The following PODXL variants were observed in gnomAD, a reference collection of about 807,000 sequenced individuals.
PODXL encodes podocalyxin.
In PODXL, 20 loss-of-function variants were observed where a neutral mutation model predicts 48.9. The ratio of observed to expected loss-of-function variants is 0.41; its 90% CI spans 0.29 to 0.59. The LOEUF (loss-of-function observed/expected upper bound fraction) is 0.59. Among genes scored for constraint, PODXL ranks in the 20% least tolerant of loss-of-function variants. PODXL has a pLI of 0.31. For missense variants in PODXL, 606 were observed against 675.1 expected, an observed-to-expected ratio of 0.90 and a Z score of 1.13; for synonymous variants, 295 against 287.4, an observed-to-expected ratio of 1.03 and a Z score of -0.27.
chr7:131,548,220 C>T (rs1021984989), intron 1 of PODXL, among the ~76,000 whole-genome samples: 4 of 152,334 alleles, frequency 2.6e-5, no homozygotes, highest in South Asian at 2.1e-4. Flanking sequence ...CTGATCTGAC[C>T]GGCAAGGTGA....
chr7:131,513,587 A>T (rs1407960647), intron 1 of PODXL, among the ~76,000 whole-genome samples: 1 of 152,250 alleles, frequency 6.6e-6, no homozygotes, highest in Non-Finnish European at 1.5e-5. Context: ...TGGGATGAGC[A>T]TAAGCAGGTG....
intron 1 of PODXL, among the ~76,000 whole-genome samples, chr7:131,517,481 A>G (rs73722846): frequency 0.069 from 10,556 of 152,290 alleles, 380 homozygotes; most frequent in Middle Eastern, 0.11. Flanking sequence ...TCACAGACTC[A>G]GCGTTCCTTG....
In PODXL at chr7:131,556,515, C is replaced by A; in HGVS notation, c.-156G>T. ...GGGCTCCCGAGTCGCGCTGCGGCGG[C>A]TCTTCCTCCCTGCCGCTGCAGCAGA... On this transcript the variant is annotated 5_prime_UTR_variant, in exon 1 of 9. Coordinates refer to ENST00000378555, the MANE Select transcript of PODXL (RefSeq NM_001018111.3). The A allele has an allele frequency of 1.2e-6, 1 of 859,184 alleles. No homozygotes were observed. Among genetic ancestry groups the A allele is most frequent in the Non-Finnish European group, 1.5e-6 (1 of 647,150 alleles). The allele number at this position is 859,184 out of a possible 1,614,324, so 53.2% of individuals were successfully genotyped here.
intron 1 of PODXL, among the ~76,000 whole-genome samples, chr7:131,512,422 G>C (rs1000609661): frequency 1.3e-5 from 2 of 152,126 alleles, no homozygotes; most frequent in African/African-American, 4.8e-5. Context: ...GGAAAGAAAG[G>C]CATCTCTGCG....
intron 1 of PODXL, among the ~76,000 whole-genome samples, chr7:131,526,324 A>ATTT (rs1447147266): frequency 1.1e-4 from 16 of 152,218 alleles, no homozygotes; most frequent in Non-Finnish European, 2.2e-4. Flanking sequence ...CAACAAAACA[A>ATTT]GAAATACTGG....
At chr7:131,527,314 AAAG>A (rs1798204008) in intron 1 of PODXL, among the ~76,000 whole-genome samples, 1 of 152,220 alleles carries the variant, frequency 6.6e-6, no homozygotes, top group Admixed American at 6.5e-5. Flanking sequence ...TTAGGCAATA[AAAG>A]AAGAACAAGA....
rs1320055642 is a variant in PODXL, at chr7:131,502,173, T to A, written c.*2138A>T. The A allele has an allele frequency of 1.3e-5, 2 of 152,172 alleles. No individual in the cohort carries two copies. Among genetic ancestry groups the A allele is most frequent in the East Asian group, 3.9e-4 (2 of 5,194 alleles). 9.4% of individuals were successfully genotyped at this position (152,172 alleles called of 1,614,324 possible). A position where few individuals can be genotyped will look rare whatever the true frequency, so the allele number is the denominator to read the frequency against. On this transcript the variant is annotated 3_prime_UTR_variant, in exon 9 of 9. Transcript: ENST00000378555. ...GATCAGCAAAGGAGGAATAATCCAG[T>A]CTGGCCTCTCCCACGGGACCACAAC...
chr7:131,548,156 G>GGGACC (rs1798612175), intron 1 of PODXL, among the ~76,000 whole-genome samples: 1 of 152,254 alleles, frequency 6.6e-6, no homozygotes, highest in Non-Finnish European at 1.5e-5. Flanking sequence ...AGGACTAAGT[G>GGGACC]GGACCAGGCT....
In PODXL at chr7:131,506,585, T is replaced by C. The variant is rs1208401593; in HGVS notation, c.1243A>G (p.Ile415Val). 3 of 1,613,978 alleles carry C rather than the reference T, an allele frequency of 1.9e-6. No homozygotes were observed. Among genetic ancestry groups the C allele is most frequent in the Non-Finnish European group, 2.5e-6 (3 of 1,179,936 alleles). Reference protein sequence around the residue: ...SQTVVVKEITIHTKLPAKDVY... With the variant: ...SQTVVVKEITVHTKLPAKDVY... Reference sequence around the variant, plus strand: ...CCCCTTGCCCTCCACTCACTGTGAATAGTGATTTCTTTGACGACCACGGTC... The same window carrying C: ...CCCCTTGCCCTCCACTCACTGTGAACAGTGATTTCTTTGACGACCACGGTC... Residue 415 changes from isoleucine to valine, a missense_variant, in exon 6 of 9, where the codon ATT becomes GTT. Physicochemically the swap from Ile to Val is conservative, Grantham distance 29. Transcript: ENST00000378555.
At chr7:131,529,738 G>A (rs1053779221) in intron 1 of PODXL, among the ~76,000 whole-genome samples, 3 of 152,062 alleles carry the variant, frequency 2.0e-5, no homozygotes, top group Non-Finnish European at 4.4e-5. Context: ...TCCTGCCCCC[G>A]CCTTGGACCC....
chr7:131,514,876 T>A (rs1183096314), intron 1 of PODXL, among the ~76,000 whole-genome samples: 2 of 152,078 alleles, frequency 1.3e-5, no homozygotes, highest in Admixed American at 1.3e-4. Context: ...CCCAAAGTGC[T>A]GGGATTACAG....
At chr7:131,522,867 CTT>C (rs1798112053) in intron 1 of PODXL, among the ~76,000 whole-genome samples, 1 of 152,190 alleles carries the variant, frequency 6.6e-6, no homozygotes, top group Non-Finnish European at 1.5e-5. Context: ...TTCCTTACTC[CTT>C]TGTATTGCTA....
rs1455251440 is a variant in PODXL, at chr7:131,500,286, TTTAA to T, written c.*4021_*4024del. 2.0e-5 allele frequency: 3 copies of T among 152,432 alleles called. No homozygotes were observed. The highest frequency in any genetic ancestry group is 2.9e-5 in the Non-Finnish European group (2 of 68,032). 9.4% of individuals were successfully genotyped at this position (152,432 alleles called of 1,614,324 possible). A position where few individuals can be genotyped will look rare whatever the true frequency, so the allele number is the denominator to read the frequency against. ...CTTGAACCAGTTTACACAAAAACAC[TTTAA>T]TTGACAGTATACAATTTTCCAAAAT... is the stretch of plus-strand genomic sequence containing the variant. On this transcript the variant is annotated 3_prime_UTR_variant, in exon 9 of 9. Transcript: ENST00000378555.
intron 1 of PODXL, among the ~76,000 whole-genome samples, chr7:131,524,100 A>T (rs1798135248): frequency 6.6e-6 from 1 of 152,136 alleles, no homozygotes; most frequent in Non-Finnish European, 1.5e-5. Flanking sequence ...CACCTGGCCC[A>T]TCTAACAAAA....
chr7:131,537,583 A>G, intron 1 of PODXL, among the ~76,000 whole-genome samples: 1 of 89,740 alleles, frequency 1.1e-5, no homozygotes, highest in Non-Finnish European at 2.1e-5. Flanking sequence ...TGGAAGCAAG[A>G]CTCCGCCCCA....
At chr7:131,528,822 T>G (rs747041099) in intron 1 of PODXL, among the ~76,000 whole-genome samples, 8 of 152,094 alleles carry the variant, frequency 5.3e-5, no homozygotes, top group Non-Finnish European at 1.0e-4. Context: ...ACGCAAGGAT[T>G]CTAATGGTGG....
At position 131,509,578 on chromosome 7, in the gene PODXL, C is replaced by G. The variant is rs374314052; in HGVS notation, c.810G>C (p.Ser270=). ...ASQSAGITAS[S]VISQRTQQTS... is the part of the protein sequence containing the mutation. ...TCTGTTGAGTTCTTTGCGAGATAAC[C>G]GATGACGCTGTCATTGGGAAAACGA... The change falls in exon 4 of 9, where the codon TCG becomes TCC. Residue 270 remains serine (S), a synonymous_variant. Transcript: ENST00000378555. The G allele has an allele frequency of 6.5e-7, 1 of 1,540,010 alleles. No homozygotes were observed. The highest frequency in any genetic ancestry group is 1.3e-5 in the South Asian group (1 of 79,702).
chr7:131,529,547 C>A (rs74513586), intron 1 of PODXL, among the ~76,000 whole-genome samples: 1,622 of 152,056 alleles, frequency 0.011, 29 homozygotes, highest in African/African-American at 0.036. Context: ...CTGGCCTGGA[C>A]ACCAGTATCG....
In PODXL at chr7:131,509,441, G is replaced by A. The variant is rs749475917; in HGVS notation, c.947C>T (p.Ser316Phe). The change falls in exon 4 of 9, where the codon TCC (serine) becomes TTC (phenylalanine). Residue 316 changes from serine (S) to phenylalanine (F), a missense_variant. Ser to Phe is a radical substitution (Grantham distance 155). Coordinates refer to ENST00000378555, the MANE Select transcript of PODXL (RefSeq NM_001018111.3). ...GGTAGTTGATGCTGCTGTGGGGCTG[G>A]AGCTCATGGTCTCTGGCAGGGTAGG... ...RTPTLPETMS[S>F]SPTAASTTHR... 2.5e-6 allele frequency: 4 copies of A among 1,614,132 alleles called. No individual in the cohort carries two copies. The highest frequency in any genetic ancestry group is 3.4e-6 in the Non-Finnish European group (4 of 1,180,022).
Sources: allele counts gnomAD v4.1 joint callset (sites outside exome capture counted in the v4.1 genomes callset), GRCh38; gene constraint gnomAD v4.1.1; transcripts MANE v1.5; gene names NCBI Gene and HGNC (gene_info 2026-07-23, HGNC 2026-07-21).